Variants in USH2A observed in about 807,000 individuals in gnomAD.
The protein encoded by USH2A is usherin.
A neutral mutation model predicts 538.9 loss-of-function variants in USH2A; 443 were observed. The ratio of observed to expected loss-of-function variants is 0.82; its 90% CI spans 0.76 to 0.89. The LOEUF (loss-of-function observed/expected upper bound fraction) is 0.89. USH2A is among the 40% of genes least tolerant of loss of function. The pLI is 0.00. For synonymous variants in USH2A, 2,413 were observed against 2,273.5 expected (o/e 1.06, Z -1.75); for missense variants, 6,633 against 6,324.8 (o/e 1.05, Z -1.65).
At chr1:216,161,376 C>T (rs920773577) in intron 21 of USH2A, among the ~76,000 whole-genome samples, 2 of 152,052 alleles carry the variant, frequency 1.3e-5, no homozygotes, top group Admixed American at 6.6e-5. Flanking sequence ...CCTTTGGCAT[C>T]ATAATCTGAA....
intron 71 of USH2A, among the ~76,000 whole-genome samples, chr1:215,627,899 T>A (rs1172277151): frequency 6.6e-6 from 1 of 152,124 alleles, no homozygotes; most frequent in Non-Finnish European, 1.5e-5. Flanking sequence ...GTTAGCACAA[T>A]GAAATTTGAT....
At chr1:215,652,043 T>C (rs898758591) in intron 64 of USH2A, among the ~76,000 whole-genome samples, 4 of 152,270 alleles carry the variant, frequency 2.6e-5, no homozygotes, top group African/African-American at 4.8e-5. Flanking sequence ...AGAGCTCGGA[T>C]ACATCCTCTC....
At chr1:216,252,990 G>T (rs931479964) in intron 11 of USH2A, among the ~76,000 whole-genome samples, 5 of 152,178 alleles carry the variant, frequency 3.3e-5, no homozygotes, top group African/African-American at 1.2e-4. Context: ...CAAAGAGATA[G>T]TAAACACCTT....
At chr1:216,154,645 C>T (rs1000472132) in intron 21 of USH2A, among the ~76,000 whole-genome samples, 1 of 152,128 alleles carries the variant, frequency 6.6e-6, no homozygotes, top group Non-Finnish European at 1.5e-5. Context: ...ACAGCATTTC[C>T]ATCACCCCCT....
chr1:216,394,920 G>A (rs1173932419), intron 3 of USH2A, among the ~76,000 whole-genome samples: 4 of 151,774 alleles, frequency 2.6e-5, no homozygotes, highest in Non-Finnish European at 4.4e-5. Flanking sequence ...GGTTTTCACC[G>A]TGTTAGCCAG....
chr1:215,702,375 G>T (rs1659055973), intron 61 of USH2A, among the ~76,000 whole-genome samples: 1 of 152,144 alleles, frequency 6.6e-6, no homozygotes, highest in African/African-American at 2.4e-5. Flanking sequence ...TGTCTTGCTA[G>T]ATTGGGGAAG....
intron 29 of USH2A, among the ~76,000 whole-genome samples, chr1:216,071,503 A>G (rs2102547369): frequency 6.6e-6 from 1 of 152,336 alleles, no homozygotes; most frequent in East Asian, 1.9e-4. Flanking sequence ...TGACTCAAAA[A>G]TAATTAAATA....
intron 4 of USH2A, among the ~76,000 whole-genome samples, chr1:216,355,374 A>AGAAAGAAAGAAAGAAG (rs2038372973): frequency 7.0e-6 from 1 of 142,894 alleles, no homozygotes; most frequent in Non-Finnish European, 1.6e-5. Flanking sequence ...AAAGAAAGAA[A>AGAAAGAAAGAAAGAAG]GAAGGAAAGA....
chr1:215,818,531 T>A (rs527588339), intron 47 of USH2A, among the ~76,000 whole-genome samples: 2 of 151,982 alleles, frequency 1.3e-5, no homozygotes, highest in East Asian at 3.9e-4. Context: ...TGTTTGATTT[T>A]AAAAAATTGA....
intron 21 of USH2A, among the ~76,000 whole-genome samples, chr1:216,102,314 G>A (rs2032601676): frequency 6.6e-6 from 1 of 150,722 alleles, no homozygotes; most frequent in African/African-American, 2.4e-5. Context: ...CCAAATATGT[G>A]CAACTACTGT....
intron 44 of USH2A, among the ~76,000 whole-genome samples, chr1:215,864,730 C>T (rs895728631): frequency 1.3e-5 from 2 of 152,162 alleles, no homozygotes; most frequent in Admixed American, 6.6e-5. Context: ...TGCCAATTTG[C>T]AACATCTGCC....
chr1:216,001,037 C>A (rs1668254859), intron 32 of USH2A, among the ~76,000 whole-genome samples: 1 of 152,120 alleles, frequency 6.6e-6, no homozygotes, highest in African/African-American at 2.4e-5. Flanking sequence ...TATTATTTGA[C>A]CTTCAAATTG....
chr1:215,687,008 G>A (rs1035548294), intron 61 of USH2A, among the ~76,000 whole-genome samples: 2 of 151,998 alleles, frequency 1.3e-5, no homozygotes. Context: ...CCTGAAGTGT[G>A]TTTTCTCCTG....
chr1:216,341,086 T>C (rs1013991304), intron 4 of USH2A, among the ~76,000 whole-genome samples: 1 of 152,006 alleles, frequency 6.6e-6, no homozygotes, highest in African/African-American at 2.4e-5. Context: ...GATTCTATAT[T>C]TAGAAAACGC....
At chr1:215,844,918 G>A (rs1367488114) in intron 45 of USH2A, among the ~76,000 whole-genome samples, 1 of 152,148 alleles carries the variant, frequency 6.6e-6, no homozygotes, top group Non-Finnish European at 1.5e-5. Context: ...CTGGTGGAAC[G>A]TGAAAAATCA....
rs1396798963 is a variant in USH2A, at chr1:216,217,435, G to A, written c.3109C>T (p.Pro1037Ser). The A allele has an allele frequency of 4.3e-6, 7 of 1,613,162 alleles. No homozygotes were observed. The highest frequency in any genetic ancestry group is 5.1e-6 in the Non-Finnish European group (6 of 1,179,478). Residue 1037 changes from proline (P) to serine (S), a missense_variant, in exon 15 of 72, where the codon CCC becomes TCC. Transcript: ENST00000307340. ...VTGSKCDACV[P>S]SASHLDVNNL... ...TTGACATCCAAGTGGCTTGCACTGGGAACACAAGCATCACACTTTGAGCCA... is the reference window on the plus strand; with the variant it reads ...TTGACATCCAAGTGGCTTGCACTGGAAACACAAGCATCACACTTTGAGCCA...
intron 11 of USH2A, among the ~76,000 whole-genome samples, chr1:216,251,659 C>T (rs115308815): frequency 0.023 from 3,491 of 152,078 alleles, 77 homozygotes; most frequent in Non-Finnish European, 0.033. Flanking sequence ...CCATATTGGT[C>T]TTGATCTCTT....
intron 49 of USH2A, among the ~76,000 whole-genome samples, chr1:215,799,438 A>G (rs551503440): frequency 6.7e-4 from 102 of 152,304 alleles, no homozygotes; most frequent in Non-Finnish European, 1.1e-3. Context: ...TGTTCTGTGT[A>G]ATTTTCTTTT....
chr1:215,834,981 G>A (rs997295266), intron 47 of USH2A, among the ~76,000 whole-genome samples: 1 of 151,072 alleles, frequency 6.6e-6, no homozygotes, highest in African/African-American at 2.4e-5. Flanking sequence ...TTTCCATGAA[G>A]TTTTCTCCTC....
Sources: gnomAD v4.1 joint callset for allele counts (sites outside exome capture counted in the v4.1 genomes callset) on GRCh38, gnomAD v4.1.1 for gene constraint, MANE v1.5 for transcripts, NCBI Gene and HGNC (gene_info 2026-07-23, HGNC 2026-07-21) for gene names.